Variants in RAB33A observed in about 807,000 individuals in gnomAD.
The protein encoded by RAB33A is RAB33A, member RAS oncogene family.
RAB33A carries 6 observed loss-of-function variants against 12.0 expected under a neutral mutation model. The ratio of observed to expected loss-of-function variants is 0.50; its 90% confidence interval spans 0.27 to 0.99. The LOEUF is 0.99. RAB33A is among the 50% of genes least tolerant of loss of function. The pLI, the probability that RAB33A is intolerant of heterozygous loss-of-function variation, is 0.11. For synonymous variants in RAB33A, 70 were observed against 82.4 expected (o/e 0.85, Z 0.81); for missense variants, 109 against 192.0 (o/e 0.57, Z 2.55).
At chrX:130,182,157 A>AAAAT (rs1384841230) in intron 1 of RAB33A, among the ~76,000 whole-genome samples, 35 of 44,583 alleles carry the variant, frequency 7.9e-4, no homozygotes, top group Non-Finnish European at 9.9e-4. Flanking sequence ...AAAAAAAAAA[A>AAAAT]ATATATATAT....
chrX:130,130,938 A>ATGGAATAC, the RAB33A span, among the ~76,000 whole-genome samples: 1 of 112,606 alleles, frequency 8.9e-6, no homozygotes. Flanking sequence ...ATTAAGGAAT[A>ATGGAATAC]TGGAATACAT....
the RAB33A span, among the ~76,000 whole-genome samples, chrX:130,132,415 T>C: frequency 8.9e-6 from 1 of 112,903 alleles, no homozygotes; most frequent in Non-Finnish European, 1.9e-5. Flanking sequence ...GTTCCCACTT[T>C]TGCTATTCAC....
At chrX:130,136,806 C>T in the RAB33A span, 77 of 1,080,503 alleles carry the variant, frequency 7.1e-5, no homozygotes, top group Non-Finnish European at 8.9e-5. Flanking sequence ...AGCTGACCAG[C>T]GGTCTCCTCC....
chrX:130,184,201 T>G, intron 1 of RAB33A, 84 bp from the exon 2 acceptor site: 1 of 946,057 alleles, frequency 1.1e-6, no homozygotes, highest in Non-Finnish European at 1.5e-6. Context: ...TCACTTCATT[T>G]TTATAGTGCT....
the RAB33A span, among the ~76,000 whole-genome samples, chrX:130,112,638 G>T: frequency 9.0e-6 from 1 of 111,714 alleles, no homozygotes; most frequent in East Asian, 2.8e-4. Flanking sequence ...ATGCCGAGCG[G>T]GGTGGATCAC....
At chrX:130,184,011 TC>T (rs757971499) in intron 1 of RAB33A, among the ~76,000 whole-genome samples, 1 of 111,690 alleles carries the variant, frequency 9.0e-6, no homozygotes, top group South Asian at 3.8e-4. Context: ...TGCCTCAGCC[TC>T]CCCCGTAGCT....
At chrX:130,166,167 G>A in the RAB33A span, among the ~76,000 whole-genome samples, 1 of 111,761 alleles carries the variant, frequency 8.9e-6, no homozygotes, top group East Asian at 2.8e-4. Flanking sequence ...CCAGTTACTT[G>A]ATACCGAAGC....
the RAB33A span, chrX:130,165,710 G>C: frequency 5.8e-6 from 6 of 1,037,633 alleles, no homozygotes; most frequent in Non-Finnish European, 8.0e-6. Flanking sequence ...ACGCACGACC[G>C]ACGGGTCAAA....
chrX:130,173,270 G>C (rs2031631246), intron 1 of RAB33A, among the ~76,000 whole-genome samples: 1 of 112,005 alleles, frequency 8.9e-6, no homozygotes, highest in Admixed American at 9.5e-5. Flanking sequence ...AACTTCTTGT[G>C]TCATGGGGAG....
At chrX:130,170,665 A>G (rs2031594781), upstream of RAB33A, among the ~76,000 whole-genome samples, 1 of 112,600 alleles carries the variant, frequency 8.9e-6, no homozygotes, top group Non-Finnish European at 1.9e-5. Context: ...GGTTGTGTTC[A>G]TTTATCATCT....
At chrX:130,114,561 T>C in the RAB33A span, among the ~76,000 whole-genome samples, 50 of 112,148 alleles carry the variant, frequency 4.5e-4, no homozygotes, top group South Asian at 0.018. Flanking sequence ...GAATTCCCCT[T>C]CTCGAGTTGC....
chrX:130,155,850 C>T, the RAB33A span, among the ~76,000 whole-genome samples: 2 of 111,660 alleles, frequency 1.8e-5, no homozygotes, highest in Non-Finnish European at 3.8e-5. Flanking sequence ...CTAAGCTGAT[C>T]GGAGTTCATT....
the RAB33A span, among the ~76,000 whole-genome samples, chrX:130,123,977 G>A: frequency 8.9e-6 from 1 of 112,277 alleles, no homozygotes; most frequent in South Asian, 3.7e-4. Context: ...GCTCATGCCA[G>A]TAATCCCAGC....
the RAB33A span, among the ~76,000 whole-genome samples, chrX:130,115,335 AG>A: frequency 8.9e-6 from 1 of 112,207 alleles, no homozygotes; most frequent in African/African-American, 3.2e-5. Context: ...CCTATTGGCC[AG>A]GCACAGTGGT....
chrX:130,130,076 A>G, the RAB33A span: 4 of 1,209,946 alleles, frequency 3.3e-6, no homozygotes, highest in Non-Finnish European at 4.5e-6. Context: ...CTCCCCCTGG[A>G]CGGGAGCCTG....
At chrX:130,167,247 C>T (rs2031547907), upstream of RAB33A, among the ~76,000 whole-genome samples, 2 of 112,828 alleles carry the variant, frequency 1.8e-5, no homozygotes, top group Admixed American at 1.9e-4. Context: ...GGCTCTGCCA[C>T]CTGGGCAAGT....
the RAB33A span, among the ~76,000 whole-genome samples, chrX:130,135,489 G>A: frequency 9.7e-6 from 1 of 103,500 alleles, no homozygotes; most frequent in Non-Finnish European, 2.0e-5. Flanking sequence ...ATTCCTCCAA[G>A]GTACCTACGT....
chrX:130,113,032 T>G, the RAB33A span, among the ~76,000 whole-genome samples: 2 of 107,124 alleles, frequency 1.9e-5, no homozygotes, highest in Non-Finnish European at 3.9e-5. Flanking sequence ...CCTCAAGCAT[T>G]TCTCCTTTCT....
upstream of RAB33A, among the ~76,000 whole-genome samples, chrX:130,167,234 C>T (rs925993967): frequency 3.5e-5 from 4 of 112,749 alleles, no homozygotes; most frequent in Non-Finnish European, 1.9e-5. Context: ...CACATTGAAT[C>T]CTGGCTCTGC....
Sources: gnomAD v4.1 joint callset for allele counts (sites outside exome capture counted in the v4.1 genomes callset) on GRCh38, gnomAD v4.1.1 for gene constraint, MANE v1.5 for transcripts, NCBI Gene and HGNC (gene_info 2026-07-23, HGNC 2026-07-21) for gene names.